Variants in CTNND2 observed in about 807,000 individuals in gnomAD.
The protein encoded by CTNND2 is catenin delta-2.
In CTNND2, 22 loss-of-function variants were observed where a neutral mutation model predicts 144.4. The ratio of observed to expected loss-of-function variants is 0.15; its 90% CI spans 0.11 to 0.22. CTNND2 has a LOEUF of 0.22. Among genes scored for constraint, CTNND2 ranks in the 10% least tolerant of loss-of-function variants. The pLI is 1.00. For missense variants in CTNND2, 1,353 were observed against 1,618.8 expected (o/e 0.84, Z 2.82); for synonymous variants, 751 against 695.6 (o/e 1.08, Z -1.25).
At chr5:11,597,799 C>T (rs1198844195) in intron 2 of CTNND2, among the ~76,000 whole-genome samples, 1 of 152,088 alleles carries the variant, frequency 6.6e-6, no homozygotes, top group African/African-American at 2.4e-5. Flanking sequence ...TCTCAAACAC[C>T]TGGGCTCAAG....
intron 2 of CTNND2, among the ~76,000 whole-genome samples, chr5:11,616,266 G>T (rs769462414): frequency 6.6e-6 from 1 of 152,086 alleles, no homozygotes; most frequent in Non-Finnish European, 1.5e-5. Context: ...GTCAAGGCAT[G>T]ATCTACTATG....
chr5:11,199,328 T>G, intron 11 of CTNND2, 120 bp downstream of exon 11: 1 of 849,062 alleles, frequency 1.2e-6, no homozygotes, highest in Non-Finnish European at 1.8e-6. Flanking sequence ...AAACACATAT[T>G]GAGACCGCCT....
At chr5:11,603,057 C>A (rs1226903626) in intron 2 of CTNND2, among the ~76,000 whole-genome samples, 1 of 151,982 alleles carries the variant, frequency 6.6e-6, no homozygotes, top group African/African-American at 2.4e-5. Context: ...AGATTATTCT[C>A]TAACCTATTA....
chr5:11,686,796 CATAAT>C (rs1784673537), intron 2 of CTNND2, among the ~76,000 whole-genome samples: 1 of 147,796 alleles, frequency 6.8e-6, no homozygotes, highest in Non-Finnish European at 1.5e-5. Context: ...ATATAATACA[CATAAT>C]ATAAATATAT....
intron 20 of CTNND2, among the ~76,000 whole-genome samples, chr5:10,985,315 C>G (rs1022807739): frequency 6.6e-6 from 1 of 152,090 alleles, no homozygotes. Context: ...CAAGAACTCG[C>G]TATGGAAGCC....
chr5:11,009,709 G>A (rs1036790065), intron 18 of CTNND2, among the ~76,000 whole-genome samples: 1 of 152,214 alleles, frequency 6.6e-6, no homozygotes, highest in South Asian at 2.1e-4. Context: ...TAGAGGAAGT[G>A]TTTAGTTTGG....
At chr5:11,304,495 T>A (rs562149111) in intron 9 of CTNND2, among the ~76,000 whole-genome samples, 29 of 152,276 alleles carry the variant, frequency 1.9e-4, no homozygotes, top group African/African-American at 6.7e-4. Context: ...GTATCCAGGT[T>A]TTTGCAGACC....
chr5:11,479,619 G>A (rs1768060177), intron 3 of CTNND2, among the ~76,000 whole-genome samples: 1 of 152,126 alleles, frequency 6.6e-6, no homozygotes, highest in South Asian at 2.1e-4. Flanking sequence ...TCCACCAACA[G>A]TGTATAAACA....
At chr5:11,195,366 T>C (rs1736758653) in intron 11 of CTNND2, among the ~76,000 whole-genome samples, 1 of 152,160 alleles carries the variant, frequency 6.6e-6, no homozygotes, top group Admixed American at 6.5e-5. Context: ...CAGGAACTTA[T>C]GAGAGAGAAA....
chr5:11,451,141 C>A (rs566896694), intron 3 of CTNND2, among the ~76,000 whole-genome samples: 2 of 151,674 alleles, frequency 1.3e-5, no homozygotes, highest in East Asian at 3.9e-4. Context: ...ATATAAAATA[C>A]GAATATAAAA....
chr5:11,508,146 T>C (rs1281023902), intron 3 of CTNND2, among the ~76,000 whole-genome samples: 1 of 152,234 alleles, frequency 6.6e-6, no homozygotes, highest in Non-Finnish European at 1.5e-5. Context: ...GCTAAGGAAT[T>C]ATTCCATAGA....
At chr5:11,712,980 GATAA>G (rs1444233566) in intron 2 of CTNND2, among the ~76,000 whole-genome samples, 1 of 152,124 alleles carries the variant, frequency 6.6e-6, no homozygotes, top group Non-Finnish European at 1.5e-5. Flanking sequence ...TCAGGCTAAA[GATAA>G]ATAAAGTTCG....
At chr5:11,418,246 A>G (rs1261732592) in intron 3 of CTNND2, among the ~76,000 whole-genome samples, 1 of 152,028 alleles carries the variant, frequency 6.6e-6, no homozygotes, top group Non-Finnish European at 1.5e-5. Context: ...ATCTCTACTA[A>G]AAATACAAAA....
chr5:11,736,889 A>G (rs1223549195), intron 1 of CTNND2, among the ~76,000 whole-genome samples: 2 of 152,188 alleles, frequency 1.3e-5, no homozygotes, highest in African/African-American at 4.8e-5. Flanking sequence ...ATAAGGTACT[A>G]ATGCAAGGTT....
chr5:11,201,650 T>C (rs2149831561), intron 10 of CTNND2, among the ~76,000 whole-genome samples: 1 of 152,304 alleles, frequency 6.6e-6, no homozygotes, highest in South Asian at 2.1e-4. Flanking sequence ...GCGTTTCACA[T>C]ATGGTGCCTC....
chr5:11,218,275 G>A (rs61750744), intron 10 of CTNND2, among the ~76,000 whole-genome samples: 130 of 152,062 alleles, frequency 8.5e-4, no homozygotes, highest in Middle Eastern at 3.4e-3. Flanking sequence ...AATTTTCCCC[G>A]TTGAGTCATC....
chr5:11,650,393 T>G (rs1399028135), intron 2 of CTNND2, among the ~76,000 whole-genome samples: 1 of 152,136 alleles, frequency 6.6e-6, no homozygotes, highest in Non-Finnish European at 1.5e-5. Flanking sequence ...ATCTCAGTAG[T>G]CCTTTATAGC....
intron 18 of CTNND2, among the ~76,000 whole-genome samples, chr5:11,002,528 G>A (rs867217529): frequency 5.3e-5 from 8 of 152,206 alleles, no homozygotes; most frequent in African/African-American, 1.7e-4. Context: ...AGGTGGGAGG[G>A]GAGAGTGAAT....
At chr5:11,004,756 G>T (rs1740302372) in intron 18 of CTNND2, among the ~76,000 whole-genome samples, 1 of 127,044 alleles carries the variant, frequency 7.9e-6, no homozygotes, top group African/African-American at 3.0e-5. Flanking sequence ...CAACAAGAGT[G>T]AAACTCCTTC....
Sources: gnomAD v4.1 joint callset for allele counts (sites outside exome capture counted in the v4.1 genomes callset) on GRCh38, gnomAD v4.1.1 for gene constraint, MANE v1.5 for transcripts, NCBI Gene and HGNC (gene_info 2026-07-23, HGNC 2026-07-21) for gene names.